The following SARNP variants were observed in gnomAD, a reference collection of about 807,000 sequenced individuals.
SARNP encodes the protein SAP domain-containing ribonucleoprotein.
SARNP carries 5 observed loss-of-function variants against 38.1 expected under a neutral mutation model. That is an observed-to-expected ratio of 0.13 (90% CI 0.07 to 0.28). The LOEUF (loss-of-function observed/expected upper bound fraction) is 0.28. SARNP is among the 10% of genes least tolerant of loss of function. The pLI is 1.00. For synonymous variants in SARNP, 84 were observed against 80.6 expected (o/e 1.04, Z -0.23); for missense variants, 180 against 243.9 (o/e 0.74, Z 1.75).
chr12:55,774,808 C>G (rs1879123745), intron 9 of SARNP, among the ~76,000 whole-genome samples: 1 of 151,770 alleles, frequency 6.6e-6, no homozygotes, highest in African/African-American at 2.4e-5. Flanking sequence ...ACGCATCTCC[C>G]CTGCCAGGGA....
chr12:55,806,719 T>C (rs1222465376), intron 1 of SARNP, among the ~76,000 whole-genome samples: 1 of 152,154 alleles, frequency 6.6e-6, no homozygotes, highest in Admixed American at 6.5e-5. Flanking sequence ...TTTGTATTTT[T>C]AGTAGAGACG....
rs367688809 is a variant in SARNP, at chr12:55,803,577, A to G, written c.136+52T>C. 3.1e-3 allele frequency: 3,518 copies of G among 1,121,094 alleles called. 13 individuals are homozygous for G. Among genetic ancestry groups the G allele is most frequent in the Non-Finnish European group, 4.3e-3 (3,320 of 769,356 alleles). 69.4% of individuals were successfully genotyped at this position (1,121,094 alleles called of 1,614,324 possible). A position where few individuals can be genotyped will look rare whatever the true frequency, so the allele number is the denominator to read the frequency against. ...AAAAAAAAGAAATCTTTTCAGTGTC[A>G]AAGCCTGAAAATCCCCTCACTCACA... On this transcript the variant is annotated intron_variant, in intron 2 of 10. Coordinates refer to ENST00000336133, the MANE Select transcript of SARNP (RefSeq NM_033082.4).
At chr12:55,799,066 G>A (rs1429195594) in intron 4 of SARNP, among the ~76,000 whole-genome samples, 1 of 152,118 alleles carries the variant, frequency 6.6e-6, no homozygotes, top group African/African-American at 2.4e-5. Flanking sequence ...GTGTATACGT[G>A]TATCTATATA....
chr12:55,793,550 C>T (rs1592573493), intron 7 of SARNP: 1 of 151,990 alleles, frequency 6.6e-6, no homozygotes, highest in East Asian at 1.9e-4. Context: ...GTTTCACATC[C>T]CAAGAATACT....
In SARNP at chr12:55,796,056, A is replaced by G. The variant is rs370002126; in HGVS notation, c.272T>C (p.Val91Ala). The change falls in exon 5 of 11, where the codon GTG becomes GCG. Residue 91 changes from valine to alanine, a missense_variant. Val to Ala is a moderately conservative substitution (Grantham distance 64, BLOSUM62 0). Transcript: ENST00000336133. The stretch of plus-strand genomic sequence containing the variant: ...CTGTGGTATTTCAGATGTAATTTTC[A>G]CCACTTTCTTCTCTGCTGCCCTAGA... ...TVDVAAEKKV[V>A]KITSEIPQTE... is the part of the protein sequence containing the mutation. 3.7e-6 allele frequency: 6 copies of G among 1,610,850 alleles called. No homozygotes were observed. In the African/African-American group the frequency reaches 8.0e-5, roughly 22 times the overall value.
In SARNP at chr12:55,803,712, T is replaced by A. The variant is rs1565682311; in HGVS notation, c.53A>T (p.Gln18Leu). 6.2e-7 allele frequency: 1 copy of A among 1,613,194 alleles called. No individual in the cohort carries two copies. Among genetic ancestry groups the A allele is most frequent in the Admixed American group, 1.7e-5 (1 of 59,964 alleles). ...CTCCAAACCACGAGCAAGACATTCT[T>A]GCTTTAGTTCGGCAAGCTGAGGGGA... is the stretch of plus-strand genomic sequence containing the variant. ...LHKLKLAELK[Q>L]ECLARGLETK... The change falls in exon 2 of 11, where the codon CAA (glutamine) becomes CTA (leucine). Residue 18 changes from glutamine (Q) to leucine (L), a missense_variant. This residue lies in a region of SARNP where 161 missense variants were observed against 194.1 expected (regional missense o/e 0.83). Coordinates refer to ENST00000336133, the MANE Select transcript of SARNP (RefSeq NM_033082.4).
At chr12:55,799,744 G>A (rs1351622216) in intron 4 of SARNP, among the ~76,000 whole-genome samples, 2 of 151,078 alleles carry the variant, frequency 1.3e-5, no homozygotes, top group Admixed American at 1.3e-4. Context: ...AGAAGAGACA[G>A]GGTTTCACCA....
At chr12:55,764,322 G>C (rs899414168) in intron 9 of SARNP, among the ~76,000 whole-genome samples, 1 of 151,770 alleles carries the variant, frequency 6.6e-6, no homozygotes, top group Non-Finnish European at 1.5e-5. Flanking sequence ...TCCTGAGGTC[G>C]GGAGTTCGAG....
chr12:55,811,791 T>C (rs1880336112), intron 1 of SARNP, among the ~76,000 whole-genome samples: 1 of 152,168 alleles, frequency 6.6e-6, no homozygotes, highest in Non-Finnish European at 1.5e-5. Flanking sequence ...GTCTTGTCAT[T>C]CCACATATAT....
intron 9 of SARNP, 60 bp downstream of exon 9, chr12:55,789,015 G>T: frequency 9.0e-7 from 1 of 1,107,682 alleles, no homozygotes; most frequent in Non-Finnish European, 1.4e-6. Flanking sequence ...TCCAGCCTAT[G>T]TAGTTCCCAT....
intron 9 of SARNP, among the ~76,000 whole-genome samples, chr12:55,781,130 A>G (rs1022274006): frequency 2.0e-5 from 3 of 152,230 alleles, no homozygotes; most frequent in Admixed American, 2.0e-4. Context: ...CCTCCAGAAG[A>G]GAATGAATTG....
intron 7 of SARNP, among the ~76,000 whole-genome samples, chr12:55,792,067 G>A (rs1460720015): frequency 6.6e-6 from 1 of 151,936 alleles, no homozygotes; most frequent in Non-Finnish European, 1.5e-5. Context: ...GTCCAGCCTG[G>A]GCAATATAGT....
At chr12:55,774,612 G>A (rs746787715) in intron 9 of SARNP, among the ~76,000 whole-genome samples, 101 of 147,224 alleles carry the variant, frequency 6.9e-4, no homozygotes, top group Non-Finnish European at 1.1e-3. Flanking sequence ...GCCAGGTGTG[G>A]CGGCATGCAC....
chr12:55,803,821 A>C, intron 1 of SARNP, 93 bp from the exon 2 acceptor site: 2 of 774,754 alleles, frequency 2.6e-6, no homozygotes, highest in African/African-American at 1.7e-5. Flanking sequence ...AAAAAAGAAA[A>C]TGAAGTTCCA....
rs1286567149 is a variant in SARNP at position 55,799,368 on chromosome 12, AT to A, written c.251+1193del. ...CAGACATTTGTGGAAAAAGCCCCAA[AT>A]TAAAGATGTTTAGGATCACCCTTGT... is the stretch of plus-strand genomic sequence containing the variant. On this transcript the variant is annotated intron_variant, in intron 4 of 10. Coordinates refer to ENST00000336133, the MANE Select transcript of SARNP (RefSeq NM_033082.4). Among the ~76,000 whole-genome samples, 3 of 152,280 alleles carry A rather than the reference AT, an allele frequency of 2.0e-5. No homozygotes were observed. In the East Asian group the frequency reaches 5.8e-4, roughly 29 times the overall value.
downstream of SARNP, chr12:55,753,095 A>C (rs1169139504): frequency 1.3e-5 from 2 of 152,254 alleles, no homozygotes; most frequent in African/African-American, 2.4e-5. Flanking sequence ...TACCTAGAAC[A>C]ACCCCTCTCT....
chr12:55,794,731 T>C (rs112898055), intron 6 of SARNP, 76 bp downstream of exon 6: 19 of 883,634 alleles, frequency 2.2e-5, no homozygotes, highest in Middle Eastern at 2.2e-4. Context: ...TCAACAATTA[T>C]ACCTAAAAGC....
intron 9 of SARNP, among the ~76,000 whole-genome samples, chr12:55,776,562 T>C (rs1039602768): frequency 2.0e-5 from 3 of 152,208 alleles, no homozygotes; most frequent in Admixed American, 2.0e-4. Flanking sequence ...TTATTTTTTA[T>C]TGTTGTATTT....
chr12:55,758,144 T>C (rs1472710909), intron 10 of SARNP, among the ~76,000 whole-genome samples: 1 of 152,084 alleles, frequency 6.6e-6, no homozygotes, highest in African/African-American at 2.4e-5. Context: ...ACAGCAACAC[T>C]GGAGAGGACA....
Sources: gnomAD v4.1 joint callset for allele counts (sites outside exome capture counted in the v4.1 genomes callset) on GRCh38, gnomAD v4.1.1 for gene constraint, gnomAD v4.1.1 regional missense constraint, MANE v1.5 for transcripts, NCBI Gene and HGNC (gene_info 2026-07-23, HGNC 2026-07-21) for gene names.